The following SCRG1 variants were observed in gnomAD, a reference collection of about 807,000 sequenced individuals.
SCRG1 encodes stimulator of chondrogenesis 1.
A neutral mutation model predicts 7.7 loss-of-function variants in SCRG1; 3 were observed. The observed-to-expected ratio is 0.39, with a 90% CI of 0.18 to 1.01. The LOEUF (loss-of-function observed/expected upper bound fraction) is 1.01. Ranked by LOEUF, SCRG1 falls within the 50% of genes least tolerant of loss-of-function variation. The pLI is 0.36. For missense variants in SCRG1, 110 were observed against 117.2 expected (o/e 0.94, Z 0.28); for synonymous variants, 46 against 41.2 (o/e 1.12, Z -0.44).
At chr4:173,471,842 T>G in the SCRG1 span, among the ~76,000 whole-genome samples, 6 of 152,214 alleles carry the variant, frequency 3.9e-5, no homozygotes, top group African/African-American at 1.4e-4. Context: ...CCCGAGTAGC[T>G]GGGATTATAG....
the SCRG1 span, among the ~76,000 whole-genome samples, chr4:173,446,982 C>A: frequency 1.6e-4 from 24 of 152,298 alleles, no homozygotes; most frequent in African/African-American, 5.1e-4. Context: ...GTGATAAAAT[C>A]TTGAGTTTAC....
At chr4:173,460,858 G>C in the SCRG1 span, among the ~76,000 whole-genome samples, 2 of 152,144 alleles carry the variant, frequency 1.3e-5, no homozygotes, top group Non-Finnish European at 2.9e-5. Context: ...TGATTACCAG[G>C]CTAGGCAGCA....
At chr4:173,409,143 T>C (rs796302860), upstream of SCRG1, among the ~76,000 whole-genome samples, 17 of 152,296 alleles carry the variant, frequency 1.1e-4, no homozygotes, top group African/African-American at 3.8e-4. Flanking sequence ...GTGAGGACTT[T>C]TTAACCAATA....
the SCRG1 span, among the ~76,000 whole-genome samples, chr4:173,518,068 A>G: frequency 6.6e-6 from 1 of 152,264 alleles, no homozygotes; most frequent in Non-Finnish European, 1.5e-5. Context: ...ATCTTGAAGA[A>G]AAAAGAAATT....
chr4:173,511,123 CGCCCG>C, the SCRG1 span, among the ~76,000 whole-genome samples: 1 of 152,120 alleles, frequency 6.6e-6, no homozygotes, highest in Non-Finnish European at 1.5e-5. The surrounding 1 kb of genome is among the most constrained non-coding windows in gnomAD (Gnocchi z 5.2). Flanking sequence ...CCCGCCACCA[CGCCCG>C]GCTAATTTTT....
the SCRG1 span, among the ~76,000 whole-genome samples, chr4:173,486,044 A>G: frequency 6.6e-6 from 1 of 152,196 alleles, no homozygotes; most frequent in Non-Finnish European, 1.5e-5. Context: ...GCATGATTTA[A>G]TTTAGCAAAT....
At chr4:173,451,556 T>C in the SCRG1 span, among the ~76,000 whole-genome samples, 2 of 152,070 alleles carry the variant, frequency 1.3e-5, no homozygotes, top group African/African-American at 4.8e-5. Flanking sequence ...CTATCTCTAA[T>C]GGCCTACTAA....
At chr4:173,455,106 G>A in the SCRG1 span, among the ~76,000 whole-genome samples, 1 of 151,926 alleles carries the variant, frequency 6.6e-6, no homozygotes, top group South Asian at 2.1e-4. Flanking sequence ...ATCACCCTCT[G>A]GGGGCCTCCC....
the SCRG1 span, among the ~76,000 whole-genome samples, chr4:173,505,808 G>A: frequency 1.3e-5 from 2 of 152,224 alleles, no homozygotes; most frequent in African/African-American, 4.8e-5. The surrounding 1 kb of genome is among the most constrained non-coding windows in gnomAD (Gnocchi z 4.4). Context: ...ATGTTTGGAA[G>A]GTGGAGCTCC....
chr4:173,388,392 G>A lies in SCRG1; in HGVS notation c.246C>T (p.Asp82=), dbSNP rs578111884. The change falls in exon 3 of 3, where the codon GAC becomes GAT. Residue 82 remains aspartate (D), a synonymous_variant. Coordinates refer to ENST00000296506, the MANE Select transcript of SCRG1 (RefSeq NM_007281.4). Reference sequence around the variant, plus strand: ...AAGAGATCTTTGGTCCAAAGAAAACGTCTCTGAAAGAAAATAGAGCATCAA... The same window carrying A: ...AAGAGATCTTTGGTCCAAAGAAAACATCTCTGAAAGAAAATAGAGCATCAA... ...NFSELLCCPK[D]VFFGPKISFV... The A allele has an allele frequency of 1.4e-5, 22 of 1,607,788 alleles. No homozygotes were observed. Among genetic ancestry groups the A allele is most frequent in the South Asian group, 8.8e-5 (8 of 90,442 alleles).
chr4:173,465,305 C>G, the SCRG1 span, among the ~76,000 whole-genome samples: 94 of 152,260 alleles, frequency 6.2e-4, 1 homozygote, highest in African/African-American at 1.9e-3. Flanking sequence ...ACAACACACA[C>G]AAAATCCTGA....
At chr4:173,413,123 A>G in the SCRG1 span, among the ~76,000 whole-genome samples, 2 of 152,180 alleles carry the variant, frequency 1.3e-5, no homozygotes, top group African/African-American at 4.8e-5. Flanking sequence ...TCCAAAAAAA[A>G]AAAAGAAAGA....
At chr4:173,411,452 A>G in the SCRG1 span, among the ~76,000 whole-genome samples, 14 of 152,230 alleles carry the variant, frequency 9.2e-5, no homozygotes, top group African/African-American at 3.4e-4. Context: ...GGACCAACCC[A>G]GAATGGGGGT....
chr4:173,453,643 G>A, the SCRG1 span, among the ~76,000 whole-genome samples: 1 of 152,170 alleles, frequency 6.6e-6, no homozygotes, highest in East Asian at 1.9e-4. Flanking sequence ...TAAAAAATAT[G>A]GTGTGATAAT....
At chr4:173,428,745 T>C in the SCRG1 span, among the ~76,000 whole-genome samples, 3 of 152,202 alleles carry the variant, frequency 2.0e-5, no homozygotes, top group Non-Finnish European at 4.4e-5. Context: ...ATCTATTATG[T>C]GGTGGATGTA....
Position 173,391,248 on chromosome 4 carries a change from T to G in SCRG1, c.167A>C (p.Gln56Pro). Residue 56 changes from glutamine to proline, a missense_variant, in exon 2 of 3, where the codon CAG (glutamine) becomes CCG (proline). By Grantham distance (76) the Gln-to-Pro change is moderately conservative. Coordinates refer to ENST00000296506, the MANE Select transcript of SCRG1 (RefSeq NM_007281.4). Reference protein sequence around the residue: ...ADLTQIDVNVQDHFWDGKGCE... With the variant: ...ADLTQIDVNVPDHFWDGKGCE... ...TCCCTTCCCATCCCAGAAATGATCC[T>G]GGACATTGACATCAATCTGTGTCAG... 1 of 1,614,206 alleles carries G rather than the reference T, an allele frequency of 6.2e-7. No homozygotes were observed. Among genetic ancestry groups the G allele is most frequent in the Non-Finnish European group, 8.5e-7 (1 of 1,180,018 alleles).
At chr4:173,417,320 A>T in the SCRG1 span, among the ~76,000 whole-genome samples, 1 of 152,196 alleles carries the variant, frequency 6.6e-6, no homozygotes, top group African/African-American at 2.4e-5. Flanking sequence ...ATTTAGACAG[A>T]TGCCTCATTT....
chr4:173,415,643 T>G, the SCRG1 span, among the ~76,000 whole-genome samples: 1 of 152,238 alleles, frequency 6.6e-6, no homozygotes, highest in African/African-American at 2.4e-5. Flanking sequence ...ATGGCAAATC[T>G]GTGACATTGG....
the SCRG1 span, chr4:173,468,107 A>G: frequency 6.6e-6 from 1 of 152,654 alleles, no homozygotes; most frequent in African/African-American, 2.4e-5. Flanking sequence ...GCCACATAAC[A>G]ATGTTTCCAT....
Sources: allele counts gnomAD v4.1 joint callset (sites outside exome capture counted in the v4.1 genomes callset), GRCh38; gene constraint gnomAD v4.1.1; non-coding constraint Gnocchi (gnomAD v3.1); transcripts MANE v1.5; gene names NCBI Gene and HGNC (gene_info 2026-07-23, HGNC 2026-07-21).